PRR11: variants seen among roughly 807,000 people sequenced by gnomAD.
The protein encoded by PRR11 is proline-rich protein 11.
PRR11 carries 30 observed loss-of-function variants against 45.6 expected under a neutral mutation model. The observed-to-expected ratio is 0.66, with a 90% CI of 0.49 to 0.89. The LOEUF (loss-of-function observed/expected upper bound fraction) is 0.89. Ranked by LOEUF, PRR11 falls within the 40% of genes least tolerant of loss-of-function variation. The pLI, the probability that PRR11 is intolerant of heterozygous loss-of-function variation, is 0.00. For missense variants in PRR11, 373 were observed against 424.8 expected (o/e 0.88, Z 1.07); for synonymous variants, 128 against 153.5 (o/e 0.83, Z 1.23).
At chr17:59,187,741 A>G (rs1435350600) in intron 4 of PRR11, among the ~76,000 whole-genome samples, 1 of 145,694 alleles carries the variant, frequency 6.9e-6, no homozygotes, top group Non-Finnish European at 1.5e-5. Flanking sequence ...GGCGGGCACC[A>G]GTAATCCCAG....
intron 4 of PRR11, among the ~76,000 whole-genome samples, chr17:59,192,588 G>A (rs1405615690): frequency 6.6e-6 from 1 of 152,142 alleles, no homozygotes; most frequent in Non-Finnish European, 1.5e-5. Flanking sequence ...TCCTGGGCTT[G>A]TAGATGGCTG....
chr17:59,200,912 A>G (rs1469229767), intron 9 of PRR11, among the ~76,000 whole-genome samples: 1 of 150,954 alleles, frequency 6.6e-6, no homozygotes, highest in Non-Finnish European at 1.5e-5. Context: ...GGCGTGAGCC[A>G]CCGTCCTCGG....
At chr17:59,170,301 G>T (rs1301755446) in intron 2 of PRR11, among the ~76,000 whole-genome samples, 1 of 151,654 alleles carries the variant, frequency 6.6e-6, no homozygotes, top group Non-Finnish European at 1.5e-5. Context: ...GATAAACAAT[G>T]AATAATTTTT....
In PRR11 at chr17:59,193,649, C is replaced by T; in HGVS notation, c.560C>T (p.Pro187Leu). The T allele has an allele frequency of 1.2e-6, 2 of 1,614,150 alleles. No individual in the cohort carries two copies. Among genetic ancestry groups the T allele is most frequent in the Non-Finnish European group, 1.7e-6 (2 of 1,180,022 alleles). ...LPQPASHFPPPPPPPPLPPPP... is the reference protein window; with the variant it reads ...LPQPASHFPPLPPPPPLPPPP... ...CAGCCAGCCAGCCATTTTCCTCCTC[C>T]TCCTCCACCTCCACCTCTGCCACCT... Residue 187 changes from proline to leucine, a missense_variant, in exon 5 of 10, where the codon CCT (proline) becomes CTT (leucine). Pro to Leu is a moderately conservative substitution (Grantham distance 98). Transcript: ENST00000262293.
intron 5 of PRR11, 59 bp downstream of exon 5, chr17:59,193,793 G>A (rs1202173535): frequency 2.6e-6 from 4 of 1,555,512 alleles, no homozygotes; most frequent in East Asian, 4.5e-5. Context: ...TGTAATATAG[G>A]AGTAAAGCCA....
intron 2 of PRR11, among the ~76,000 whole-genome samples, chr17:59,178,263 G>GGAA (rs371336867): frequency 1.1e-3 from 168 of 152,236 alleles, no homozygotes; most frequent in African/African-American, 3.9e-3. Flanking sequence ...GAACCCAGGA[G>GGAA]GCTTCAGCTG....
chr17:59,199,326 G>T (rs1005437711), intron 9 of PRR11, among the ~76,000 whole-genome samples: 1 of 152,184 alleles, frequency 6.6e-6, no homozygotes, highest in African/African-American at 2.4e-5. Flanking sequence ...TGGGGTGAGG[G>T]ATCATGGCCT....
chr17:59,196,024 G>C (rs1351737110), intron 7 of PRR11, among the ~76,000 whole-genome samples: 5 of 149,868 alleles, frequency 3.3e-5, no homozygotes, highest in South Asian at 4.2e-4. Flanking sequence ...GGAGATCAAG[G>C]CTGCAGTAAG....
Position 59,194,802 on chromosome 17 carries a change from G to C in PRR11, c.691G>C (p.Asp231His). The C allele has an allele frequency of 6.2e-7, 1 of 1,613,862 alleles. No individual in the cohort carries two copies. The highest frequency in any genetic ancestry group is 8.5e-7 in the Non-Finnish European group (1 of 1,179,874). ...TGGACCCATGCAGATAACAGTTAAA[G>C]ATCTGCTGACTGTAAAATTAAAGAA... ...KDGPMQITVKDLLTVKLKKTQ... is the reference protein window; with the variant it reads ...KDGPMQITVKHLLTVKLKKTQ... The change falls in exon 6 of 10, where the codon GAT becomes CAT. Residue 231 changes from aspartate (D) to histidine (H), a missense_variant. Physicochemically the swap from Asp to His is moderately conservative, Grantham distance 81. Transcript: ENST00000262293.
chr17:59,169,371 T>A (rs1475501373), intron 1 of PRR11, among the ~76,000 whole-genome samples: 1 of 152,136 alleles, frequency 6.6e-6, no homozygotes, highest in African/African-American at 2.4e-5. Flanking sequence ...GTGCTGAGAT[T>A]ACAGGCATGA....
In PRR11 at chr17:59,183,662, C is replaced by G. The variant is rs1431125548; in HGVS notation, c.129-1392C>G. ...CAGTTTCAGGGAGTCCATGGATTACCTAAGGCCAGCCCCTCCAGTTCGGCT... is the reference window on the plus strand; with the variant it reads ...CAGTTTCAGGGAGTCCATGGATTACGTAAGGCCAGCCCCTCCAGTTCGGCT... On this transcript the variant is annotated intron_variant, in intron 2 of 9. Coordinates refer to ENST00000262293, the MANE Select transcript of PRR11 (RefSeq NM_018304.4). Among the ~76,000 whole-genome samples the G allele has an allele frequency of 7.9e-4, 121 of 152,254 alleles. 1 individual carries two copies. The highest frequency in any genetic ancestry group is 7.8e-3 in the Admixed American group (119 of 15,290).
intron 4 of PRR11, among the ~76,000 whole-genome samples, chr17:59,189,682 AAAATT>A (rs1040505582): frequency 1.1e-4 from 17 of 152,206 alleles, no homozygotes; most frequent in Non-Finnish European, 4.4e-5. Context: ...AAATAGCAAA[AAAATT>A]AAATTAAACA....
chr17:59,188,827 C>T (rs553196754), intron 4 of PRR11, among the ~76,000 whole-genome samples: 144 of 151,962 alleles, frequency 9.5e-4, no homozygotes, highest in Admixed American at 1.6e-3. Context: ...GTAATCCCAG[C>T]TACTCAAGAG....
Position 59,206,126 on chromosome 17 carries a change from G to A in PRR11, c.*4495G>A, listed in dbSNP as rs2046917171. Among the ~76,000 whole-genome samples the A allele has an allele frequency of 6.6e-6, 1 of 152,136 alleles. No homozygotes were observed. Among genetic ancestry groups the A allele is most frequent in the African/African-American group, 2.4e-5 (1 of 41,418 alleles). On this transcript the variant is annotated 3_prime_UTR_variant, in exon 10 of 10. Transcript: ENST00000262293. ...TCACACCTATAATCCTAGCACTTTG[G>A]GAGGCTAAGGCAGGAGGTTCGCTTG...
At chr17:59,200,987 A>G (rs1433172382) in intron 9 of PRR11, among the ~76,000 whole-genome samples, 6 of 152,088 alleles carry the variant, frequency 3.9e-5, no homozygotes, top group Non-Finnish European at 7.4e-5. Flanking sequence ...GGGAACAGAA[A>G]GTGTTTGGTT....
At chr17:59,160,388 G>GGTTT (rs1335331613) in intron 1 of PRR11, among the ~76,000 whole-genome samples, 2 of 152,068 alleles carry the variant, frequency 1.3e-5, no homozygotes, top group East Asian at 3.9e-4. Context: ...TTGGTTGGTT[G>GGTTT]GTTTCGGTTT....
chr17:59,179,483 C>T (rs148283362), intron 2 of PRR11, among the ~76,000 whole-genome samples: 4 of 152,298 alleles, frequency 2.6e-5, no homozygotes, highest in Non-Finnish European at 5.9e-5. Context: ...TCCTAATCTT[C>T]TATCATCTCC....
chr17:59,204,679 C>G lies in PRR11; in HGVS notation c.*3048C>G, dbSNP rs191262920. The G allele has an allele frequency of 6.7e-6, 1 of 150,182 alleles. No individual in the cohort carries two copies. The highest frequency in any genetic ancestry group is 2.5e-5 in the African/African-American group (1 of 40,344). 9.3% of individuals were successfully genotyped at this position (150,182 alleles called of 1,614,324 possible). A position where few individuals can be genotyped will look rare whatever the true frequency, so the allele number is the denominator to read the frequency against. On this transcript the variant is annotated 3_prime_UTR_variant, in exon 10 of 10. Transcript: ENST00000262293. The stretch of plus-strand genomic sequence containing the variant: ...CAAGATCACACCACTCCACTCCAGT[C>G]TGGACAACAGAGTGAGACCCTGTGT...
intron 6 of PRR11, among the ~76,000 whole-genome samples, 166 bp downstream of exon 6, chr17:59,195,021 T>C (rs1426313672): frequency 2.6e-5 from 4 of 152,108 alleles, no homozygotes; most frequent in East Asian, 3.8e-4. Flanking sequence ...TTGTATACAA[T>C]TGGGGTCGGG....
Sources: gnomAD v4.1 joint callset for allele counts (sites outside exome capture counted in the v4.1 genomes callset) on GRCh38, gnomAD v4.1.1 for gene constraint, MANE v1.5 for transcripts, NCBI Gene and HGNC (gene_info 2026-07-23, HGNC 2026-07-21) for gene names.